EPAS1: variants seen among roughly 807,000 people sequenced by gnomAD.
EPAS1 encodes endothelial PAS domain protein 1.
EPAS1 carries 23 observed loss-of-function variants against 87.9 expected under a neutral mutation model. The observed-to-expected ratio is 0.26, with a 90% confidence interval of 0.19 to 0.37. The LOEUF (loss-of-function observed/expected upper bound fraction) is 0.37, where lower values mean the gene tolerates loss of function less well. Ranked by LOEUF, EPAS1 falls within the 10% of genes least tolerant of loss-of-function variation. The pLI, the probability that EPAS1 is intolerant of heterozygous loss-of-function variation, is 1.00. For synonymous variants in EPAS1, 508 were observed against 444.3 expected (o/e 1.14, Z -1.80); for missense variants, 1,138 against 1,120.7 (o/e 1.02, Z -0.22).
intron 15 of EPAS1, among the ~76,000 whole-genome samples, chr2:46,383,419 G>A (rs552738295): frequency 1.3e-5 from 2 of 152,214 alleles, no homozygotes; most frequent in African/African-American, 4.8e-5. Context: ...GGTTTGTTTG[G>A]CCTGAAAATA....
chr2:46,339,816 C>G (rs761771573), intron 1 of EPAS1, among the ~76,000 whole-genome samples: 1 of 152,194 alleles, frequency 6.6e-6, no homozygotes, highest in South Asian at 2.1e-4. Flanking sequence ...GGCCCACTTT[C>G]TGGTTCATAG....
At chr2:46,351,792 C>T (rs774843927) in intron 2 of EPAS1, among the ~76,000 whole-genome samples, 12 of 152,146 alleles carry the variant, frequency 7.9e-5, no homozygotes, top group Non-Finnish European at 1.5e-4. Context: ...AAAGTGCAGC[C>T]AGCATTCTGA....
chr2:46,366,307 A>C (rs887653492), intron 6 of EPAS1, among the ~76,000 whole-genome samples: 4 of 152,178 alleles, frequency 2.6e-5, no homozygotes, highest in African/African-American at 7.2e-5. Flanking sequence ...GCTTCTAAAC[A>C]GTTTTGAGAG....
In EPAS1 at chr2:46,297,744, C is replaced by A. The variant is rs1036010645; in HGVS notation, c.-168C>A. On this transcript the variant is annotated 5_prime_UTR_variant, in exon 1 of 16. Transcript: ENST00000263734. ...TCCACCCCCGCCCCCGCACCTAGCC[C>A]GCCGCGCGCCACCTTCCACCTGACT... is the stretch of plus-strand genomic sequence containing the variant. 7.9e-5 allele frequency: 65 copies of A among 820,458 alleles called. No homozygotes were observed. The highest frequency in any genetic ancestry group is 1.1e-4 in the Non-Finnish European group (57 of 526,668). The allele number at this position is 820,458 out of a possible 1,614,324, so 50.8% of individuals were successfully genotyped here.
At position 46,332,791 on chromosome 2, in the gene EPAS1, G is replaced by A. The variant is rs576299085; in HGVS notation, c.27-14082G>A. ...CTGGCATCCTCTGCCAGAAATCTGA[G>A]TCCAAGCAGGGCACCTACACATGTG... On this transcript the variant is annotated intron_variant, in intron 1 of 15. Transcript: ENST00000263734. Among the ~76,000 whole-genome samples the A allele has an allele frequency of 2.0e-5, 3 of 152,322 alleles. No homozygotes were observed. The East Asian group carries it at 5.8e-4, about 29-fold the overall frequency.
intron 1 of EPAS1, 55 bp downstream of exon 1, chr2:46,297,992 C>T (rs977916944): frequency 3.1e-6 from 5 of 1,599,970 alleles, no homozygotes; most frequent in Admixed American, 3.4e-5. Flanking sequence ...GGCCGGGCTG[C>T]GCGGGGCAGG....
At chr2:46,354,444 G>A (rs1205922850) in intron 2 of EPAS1, among the ~76,000 whole-genome samples, 6 of 151,872 alleles carry the variant, frequency 4.0e-5, no homozygotes, top group Non-Finnish European at 5.9e-5. Flanking sequence ...AGGAGAAGAG[G>A]GCTGAAATAA....
In EPAS1 at chr2:46,346,147, G is replaced by A. The variant is rs1173759410; in HGVS notation, c.27-726G>A. On this transcript the variant is annotated intron_variant, in intron 1 of 15. Transcript: ENST00000263734. The surrounding 1 kb of genome is among the most constrained non-coding windows in gnomAD (Gnocchi z 4.0). Reference sequence around the variant, plus strand: ...ACTTCTAAAAGAGGCAGGCTTCAGTGCGTGTCATCTTTCGTTCCATCCTGC... The same window carrying A: ...ACTTCTAAAAGAGGCAGGCTTCAGTACGTGTCATCTTTCGTTCCATCCTGC... Among the ~76,000 whole-genome samples the A allele has an allele frequency of 6.6e-6, 1 of 152,236 alleles. No individual in the cohort carries two copies. Among genetic ancestry groups the A allele is most frequent in the East Asian group, 1.9e-4 (1 of 5,206 alleles).
chr2:46,330,554 G>T (rs2104857515), intron 1 of EPAS1, among the ~76,000 whole-genome samples: 1 of 152,330 alleles, frequency 6.6e-6, no homozygotes, highest in Admixed American at 6.5e-5. Flanking sequence ...CTTGGCTCTG[G>T]CAAAGCAAGG....
intron 6 of EPAS1, among the ~76,000 whole-genome samples, chr2:46,367,702 C>A (rs1303038143): frequency 6.6e-6 from 1 of 152,240 alleles, no homozygotes; most frequent in East Asian, 1.9e-4. Context: ...GCTAGGATCT[C>A]ACTGGAGAAA....
chr2:46,380,923 A>G lies in EPAS1; in HGVS notation c.2045+206A>G, dbSNP rs1261181867. Among the ~76,000 whole-genome samples the G allele has an allele frequency of 6.6e-6, 1 of 152,138 alleles. No individual in the cohort carries two copies. The highest frequency in any genetic ancestry group is 2.4e-5 in the African/African-American group (1 of 41,410). On this transcript the variant is annotated intron_variant, in intron 12 of 15. Coordinates refer to ENST00000263734, the MANE Select transcript of EPAS1 (RefSeq NM_001430.5). The surrounding 1 kb of genome is among the most constrained non-coding windows in gnomAD (Gnocchi z 4.4). ...TGGGTTTTTATCTGGGCTGCCACTG[A>G]GGGCAGGCAAAGAAGTGGCTTGTTG...
At chr2:46,314,200 T>C (rs1683269710) in intron 1 of EPAS1, among the ~76,000 whole-genome samples, 1 of 152,216 alleles carries the variant, frequency 6.6e-6, no homozygotes, top group African/African-American at 2.4e-5. Context: ...TGGCAATGTT[T>C]ACACCGGAGG....
At position 46,360,977 on chromosome 2, in the gene EPAS1, C is replaced by T. The variant is rs756347726; in HGVS notation, c.666C>T (p.Leu222=). Residue 222 remains leucine, a synonymous_variant, in exon 6 of 16, where the codon CTC becomes CTT. Coordinates refer to ENST00000263734, the MANE Select transcript of EPAS1 (RefSeq NM_001430.5). This position sits in a 1 kb window ranked among gnomAD's most constrained non-coding sequence, Gnocchi z 4.5. ...ACAAGGAGCCCCTGCTGTCCTGCCT[C>T]ATCATCATGTGTGAACCAATCCAGC... is the stretch of plus-strand genomic sequence containing the variant. ...CGYKEPLLSC[L]IIMCEPIQHP... is the part of the protein sequence containing the mutation. 1.2e-6 allele frequency: 2 copies of T among 1,614,072 alleles called. No individual in the cohort carries two copies. The highest frequency in any genetic ancestry group is 1.1e-5 in the South Asian group (1 of 91,086).
chr2:46,381,424 A>G (rs749888174), intron 12 of EPAS1, 172 bp from the exon 13 acceptor site: 12 of 975,764 alleles, frequency 1.2e-5, no homozygotes, highest in Non-Finnish European at 1.9e-5. Flanking sequence ...GGAAGGAGAC[A>G]GAGCTCGAGC....
Position 46,382,579 on chromosome 2 carries a change from G to A in EPAS1, c.2442G>A (p.Ser814=), listed in dbSNP as rs4953362. The A allele has an allele frequency of 8.8e-5, 142 of 1,614,116 alleles. No individual in the cohort carries two copies. In the African/African-American group the frequency reaches 1.1e-3, roughly 12 times the overall value. ...CCCAGTACCAGGACTACAGCCTGTCGTCAGCCCACAAGGTGTCAGGTGGGT... is the reference window on the plus strand; with the variant it reads ...CCCAGTACCAGGACTACAGCCTGTCATCAGCCCACAAGGTGTCAGGTGGGT... ...YATQYQDYSL[S]SAHKVSGMAS... is the part of the protein sequence containing the mutation. The change falls in exon 15 of 16, where the codon TCG becomes TCA. Residue 814 remains serine, a synonymous_variant. Coordinates refer to ENST00000263734, the MANE Select transcript of EPAS1 (RefSeq NM_001430.5).
chr2:46,351,801 G>A (rs1297356661), intron 2 of EPAS1, among the ~76,000 whole-genome samples: 1 of 152,190 alleles, frequency 6.6e-6, no homozygotes, highest in African/African-American at 2.4e-5. Context: ...CCAGCATTCT[G>A]ACCAGCAGCA....
At chr2:46,381,194 C>T (rs35145595) in intron 12 of EPAS1, 6 of 356,742 alleles carry the variant, frequency 1.7e-5, no homozygotes, top group Admixed American at 7.8e-5. Flanking sequence ...TCACCAGCTG[C>T]GAGCTCACTG....
intron 1 of EPAS1, among the ~76,000 whole-genome samples, chr2:46,303,414 T>G (rs528164507): frequency 6.6e-6 from 1 of 152,294 alleles, no homozygotes; most frequent in South Asian, 2.1e-4. Flanking sequence ...TCCCTTATCA[T>G]GTACTTCGAC....
chr2:46,374,698 C>G (rs1371880706), intron 7 of EPAS1, among the ~76,000 whole-genome samples: 1 of 152,130 alleles, frequency 6.6e-6, no homozygotes, highest in African/African-American at 2.4e-5. Context: ...TCTGTAAATT[C>G]CCAAGGAATG....
Sources: gnomAD v4.1 joint callset for allele counts (sites outside exome capture counted in the v4.1 genomes callset) on GRCh38, gnomAD v4.1.1 for gene constraint, Gnocchi (gnomAD v3.1) non-coding constraint, MANE v1.5 for transcripts, NCBI Gene and HGNC (gene_info 2026-07-23, HGNC 2026-07-21) for gene names.